Variants in PIK3R1 observed in about 807,000 individuals in gnomAD.
The protein encoded by PIK3R1 is phosphatidylinositol 3-kinase regulatory subunit alpha.
PIK3R1 carries 29 observed loss-of-function variants against 98.0 expected under a neutral mutation model. The ratio of observed to expected loss-of-function variants is 0.30; its 90% confidence interval spans 0.22 to 0.40. PIK3R1 has a LOEUF of 0.40. Ranked by LOEUF, PIK3R1 falls within the 10% of genes least tolerant of loss-of-function variation. PIK3R1 has a pLI of 1.00. For missense variants in PIK3R1, 596 were observed against 872.7 expected (o/e 0.68, Z 3.99); for synonymous variants, 282 against 311.8 (o/e 0.90, Z 1.01).
chr5:68,262,437 A>G (rs1225475387), intron 2 of PIK3R1, among the ~76,000 whole-genome samples: 1 of 145,118 alleles, frequency 6.9e-6, no homozygotes, highest in Non-Finnish European at 1.5e-5. Flanking sequence ...CACTACATAT[A>G]TATGTATGTA....
Position 68,301,388 on chromosome 5 carries a change from G to C in PIK3R1, c.*3787G>C, listed in dbSNP as rs1171879744. 1 of 31,816 alleles carries C rather than the reference G, an allele frequency of 3.1e-5. No individual in the cohort carries two copies. The highest frequency in any genetic ancestry group is 1.1e-4 in the African/African-American group (1 of 9,116). The allele number at this position is 31,816 out of a possible 1,614,324, so 2.0% of individuals were successfully genotyped here. Reference sequence around the variant, plus strand: ...TATATGTGTGTGTGTGTGTGTGTGTGTGTGTATATATATATATATATATAT... The same window carrying C: ...TATATGTGTGTGTGTGTGTGTGTGTCTGTGTATATATATATATATATATAT... On this transcript the variant is annotated 3_prime_UTR_variant, in exon 16 of 16. Transcript: ENST00000521381.
In PIK3R1 at chr5:68,294,593, G is replaced by A; in HGVS notation, c.1483G>A (p.Glu495Lys). The change falls in exon 12 of 16, where the codon GAA becomes AAA. Residue 495 changes from glutamate to lysine, a missense_variant. Physicochemically the swap from Glu to Lys is moderately conservative, Grantham distance 56. Transcript: ENST00000521381. ...EAFNETIKIFEEQCQTQERYS... is the reference protein window; with the variant it reads ...EAFNETIKIFKEQCQTQERYS... ...ATTTAATGAAACCATAAAAATATTT[G>A]AAGAACAGTGCCAGACCCAAGAGCG... The A allele has an allele frequency of 6.2e-7, 1 of 1,612,000 alleles. No individual in the cohort carries two copies. The highest frequency in any genetic ancestry group is 8.5e-7 in the Non-Finnish European group (1 of 1,178,720).
At chr5:68,241,392 T>G (rs1054325687) in intron 2 of PIK3R1, among the ~76,000 whole-genome samples, 64 of 151,836 alleles carry the variant, frequency 4.2e-4, no homozygotes, top group African/African-American at 1.5e-3. Context: ...TTTTTTGTTT[T>G]TTTTTTTTTT....
chr5:68,236,217 C>T (rs1414985718), intron 2 of PIK3R1, among the ~76,000 whole-genome samples: 2 of 151,370 alleles, frequency 1.3e-5, no homozygotes, highest in East Asian at 3.9e-4. Context: ...CACAACCACC[C>T]TGCAAAGATG....
chr5:68,228,265 G>A (rs1302385263), intron 2 of PIK3R1, among the ~76,000 whole-genome samples: 1 of 152,160 alleles, frequency 6.6e-6, no homozygotes, highest in Non-Finnish European at 1.5e-5. Context: ...AATGAGAACA[G>A]AGAAACAGAA....
At chr5:68,247,484 G>T (rs1745144374) in intron 2 of PIK3R1, among the ~76,000 whole-genome samples, 1 of 151,680 alleles carries the variant, frequency 6.6e-6, no homozygotes, top group South Asian at 2.1e-4. Context: ...TAGAGATGGG[G>T]TTTCACCATG....
intron 4 of PIK3R1, among the ~76,000 whole-genome samples, chr5:68,275,942 A>G (rs1363591103): frequency 6.6e-6 from 1 of 152,230 alleles, no homozygotes; most frequent in Non-Finnish European, 1.5e-5. Flanking sequence ...TAGTTCATCC[A>G]TACATTAACT....
chr5:68,268,762 A>G (rs1746223026), intron 2 of PIK3R1, among the ~76,000 whole-genome samples: 1 of 152,184 alleles, frequency 6.6e-6, no homozygotes, highest in Admixed American at 6.6e-5. Flanking sequence ...ACTTCAAAAT[A>G]TCTTTTTTTA....
rs70987200 is a variant in PIK3R1 at position 68,301,392 on chromosome 5, G to GTATATATATATA, written c.*3821_*3832dup. ...TGTGTGTGTGTGTGTGTGTGTGTGT[G>GTATATATATATA]TATATATATATATATATATATATAT... On this transcript the variant is annotated 3_prime_UTR_variant, in exon 16 of 16. Transcript: ENST00000521381. 2.2e-5 allele frequency: 1 copy of GTATATATATATA among 45,306 alleles called. No individual in the cohort carries two copies. The highest frequency in any genetic ancestry group is 3.7e-5 in the Non-Finnish European group (1 of 27,064). The allele number at this position is 45,306 out of a possible 1,614,324, so 2.8% of individuals were successfully genotyped here.
In PIK3R1 at chr5:68,288,424, A is replaced by G. The variant is rs995437855; in HGVS notation, c.917-3835A>G. On this transcript the variant is annotated intron_variant, in intron 7 of 15. Transcript: ENST00000521381. ...GGGCTCCTTTCCTCCCCGATACAGT[A>G]GCGAAATCCAGTTGGCTTCTCAATG... 8.1e-6 allele frequency: 10 copies of G among 1,240,908 alleles called. No homozygotes were observed. In the East Asian group the frequency reaches 3.5e-4, roughly 44 times the overall value. 76.9% of individuals were successfully genotyped at this position (1,240,908 alleles called of 1,614,324 possible). A position where few individuals can be genotyped will look rare whatever the true frequency, so the allele number is the denominator to read the frequency against.
chr5:68,282,900 T>C (rs1388672104), intron 7 of PIK3R1, among the ~76,000 whole-genome samples: 1 of 152,218 alleles, frequency 6.6e-6, no homozygotes, highest in African/African-American at 2.4e-5. Context: ...TTTGTGTGAT[T>C]TGTATAGGAC....
At chr5:68,243,337 T>C (rs545184113) in intron 2 of PIK3R1, among the ~76,000 whole-genome samples, 1 of 152,212 alleles carries the variant, frequency 6.6e-6, no homozygotes. Context: ...CATAAAACTT[T>C]GAAAAGTTTT....
At chr5:68,269,631 T>A (rs921580138) in intron 2 of PIK3R1, among the ~76,000 whole-genome samples, 2 of 152,216 alleles carry the variant, frequency 1.3e-5, no homozygotes, top group Non-Finnish European at 2.9e-5. Flanking sequence ...GAAAAGTAAT[T>A]CTTGACCTTG....
At chr5:68,280,505 T>C (rs1355149529) in intron 5 of PIK3R1, 23 bp from the exon 6 acceptor site, 32 of 1,365,078 alleles carry the variant, frequency 2.3e-5, no homozygotes, top group Middle Eastern at 2.2e-4. Context: ...CATTTCTCTT[T>C]TTTTTTTTTT....
intron 2 of PIK3R1, among the ~76,000 whole-genome samples, chr5:68,248,256 A>G (rs1045996412): frequency 6.6e-6 from 1 of 152,206 alleles, no homozygotes; most frequent in Non-Finnish European, 1.5e-5. Context: ...TGCTGGGATT[A>G]CAGGCATGAG....
Position 68,298,867 on chromosome 5 carries a change from G to C in PIK3R1, c.*1266G>C. The C allele has an allele frequency of 4.3e-6, 1 of 233,440 alleles. No homozygotes were observed. The highest frequency in any genetic ancestry group is 6.0e-5 in the East Asian group (1 of 16,536). 14.5% of individuals were successfully genotyped at this position (233,440 alleles called of 1,614,324 possible). ...AAGAATTGTGAACTTCTTGAATCTA[G>C]GGAGGGGGAATGTAGTGAAGGGATG... is the stretch of plus-strand genomic sequence containing the variant. On this transcript the variant is annotated 3_prime_UTR_variant, in exon 16 of 16. Coordinates refer to ENST00000521381, the MANE Select transcript of PIK3R1 (RefSeq NM_181523.3).
At chr5:68,280,454 C>G (rs1746784382) in intron 5 of PIK3R1, 74 bp from the exon 6 acceptor site, 2 of 1,019,936 alleles carry the variant, frequency 2.0e-6, no homozygotes, top group Non-Finnish European at 1.5e-6. Flanking sequence ...CAGAACTTTT[C>G]TAGGTGTTTA....
chr5:68,222,455 T>TAAG (rs35081865), intron 1 of PIK3R1, among the ~76,000 whole-genome samples: 78,525 of 151,658 alleles, frequency 0.52, 21,701 homozygotes, highest in East Asian at 0.72. Flanking sequence ...GCAGAGGTGC[T>TAAG]AAGGATACAG....
intron 2 of PIK3R1, among the ~76,000 whole-genome samples, chr5:68,238,934 G>A (rs778344582): frequency 1.2e-4 from 18 of 151,510 alleles, no homozygotes; most frequent in Non-Finnish European, 2.5e-4. Context: ...TAGCTACCAG[G>A]GAACAAAGTT....
Sources: gnomAD v4.1 joint callset for allele counts (sites outside exome capture counted in the v4.1 genomes callset) on GRCh38, gnomAD v4.1.1 for gene constraint, MANE v1.5 for transcripts, NCBI Gene and HGNC (gene_info 2026-07-23, HGNC 2026-07-21) for gene names.